Variants in DENND1B observed in about 807,000 individuals in gnomAD.
DENND1B encodes the protein DENN domain-containing protein 1B.
In DENND1B, 59 loss-of-function variants were observed where a neutral mutation model predicts 90.1. The observed-to-expected ratio is 0.65, with a 90% confidence interval of 0.53 to 0.81. DENND1B has a LOEUF of 0.81. Ranked by LOEUF, DENND1B falls within the 40% of genes least tolerant of loss-of-function variation. DENND1B has a pLI of 0.00. For missense variants in DENND1B, 862 were observed against 912.6 expected, an observed-to-expected ratio of 0.94 and a Z score of 0.71; for synonymous variants, 337 against 324.6, an observed-to-expected ratio of 1.04 and a Z score of -0.41.
At chr1:197,703,024 G>A (rs1424522157) in intron 3 of DENND1B, among the ~76,000 whole-genome samples, 1 of 151,972 alleles carries the variant, frequency 6.6e-6, no homozygotes, top group Non-Finnish European at 1.5e-5. Context: ...GTCTCACTCT[G>A]TCGCCTGGGC....
intron 20 of DENND1B, among the ~76,000 whole-genome samples, chr1:197,517,504 T>A (rs1039530508): frequency 6.6e-6 from 1 of 151,858 alleles, no homozygotes. Context: ...CTTACATTTA[T>A]CCTCTTTGCA....
At chr1:197,612,028 A>G (rs1253321935) in intron 11 of DENND1B, 52 bp from the exon 12 acceptor site, 2 of 1,388,272 alleles carry the variant, frequency 1.4e-6, no homozygotes, top group East Asian at 2.3e-5. Context: ...TTAAAACTGA[A>G]ACAACAGTAT....
intron 20 of DENND1B, among the ~76,000 whole-genome samples, chr1:197,516,660 G>T (rs1298546910): frequency 6.6e-6 from 1 of 151,724 alleles, no homozygotes; most frequent in African/African-American, 2.4e-5. Context: ...AAGGTCTTTT[G>T]TGGGGAAATG....
intron 18 of DENND1B, among the ~76,000 whole-genome samples, chr1:197,543,306 T>C (rs952690874): frequency 6.6e-6 from 1 of 152,194 alleles, no homozygotes; most frequent in Non-Finnish European, 1.5e-5. Context: ...AATACTCCAC[T>C]GATTAGAATG....
chr1:197,713,792 AT>A (rs200310740), intron 3 of DENND1B, among the ~76,000 whole-genome samples: 23,665 of 44,684 alleles, frequency 0.53, 7,219 homozygotes, highest in Middle Eastern at 0.67. Context: ...ATATTATAAT[AT>A]TATTATATTA....
chr1:197,643,172 CTTT>C (rs531784884), intron 9 of DENND1B, among the ~76,000 whole-genome samples: 61 of 145,964 alleles, frequency 4.2e-4, no homozygotes, highest in African/African-American at 1.5e-3. Flanking sequence ...CAAGAATCTG[CTTT>C]TTTTTTTTCT....
chr1:197,629,771 C>T (rs911620838), intron 10 of DENND1B, among the ~76,000 whole-genome samples: 1 of 151,888 alleles, frequency 6.6e-6, no homozygotes, highest in African/African-American at 2.4e-5. Context: ...CAGCCACGGA[C>T]TTTAGAGGAA....
At chr1:197,632,219 C>T (rs1679389373) in intron 10 of DENND1B, among the ~76,000 whole-genome samples, 1 of 152,058 alleles carries the variant, frequency 6.6e-6, no homozygotes. Flanking sequence ...TGTCATGTAC[C>T]TCATTTGCCT....
intron 5 of DENND1B, among the ~76,000 whole-genome samples, chr1:197,669,077 G>A (rs1271386988): frequency 6.6e-6 from 1 of 151,878 alleles, no homozygotes; most frequent in East Asian, 1.9e-4. Flanking sequence ...TAACTTGTAG[G>A]TGCTTATTAT....
chr1:197,705,668 C>G (rs1659457526), intron 3 of DENND1B, among the ~76,000 whole-genome samples: 1 of 147,764 alleles, frequency 6.8e-6, no homozygotes, highest in South Asian at 2.1e-4. Context: ...AAAAAAAGAC[C>G]TGAACAGGAA....
At chr1:197,603,911 T>C (rs1463450406) in intron 13 of DENND1B, among the ~76,000 whole-genome samples, 1 of 151,316 alleles carries the variant, frequency 6.6e-6, no homozygotes, top group Admixed American at 6.6e-5. Context: ...AATGTTATAT[T>C]TAATTCAATT....
At chr1:197,762,711 C>T (rs1260148502) in intron 2 of DENND1B, among the ~76,000 whole-genome samples, 1 of 152,024 alleles carries the variant, frequency 6.6e-6, no homozygotes, top group Non-Finnish European at 1.5e-5. Flanking sequence ...ATTTCCTCTA[C>T]CCCCACCCCA....
intron 2 of DENND1B, chr1:197,746,656 T>C: frequency 2.9e-6 from 2 of 699,128 alleles, no homozygotes; most frequent in South Asian, 1.6e-5. Context: ...GTTCTAGTGC[T>C]ATCAATTTTC....
chr1:197,677,962 T>C (rs1353583080), intron 3 of DENND1B, among the ~76,000 whole-genome samples: 2 of 152,192 alleles, frequency 1.3e-5, no homozygotes, highest in East Asian at 3.9e-4. Context: ...CTCATGAAGA[T>C]ACAGCAGTGT....
Position 197,525,004 on chromosome 1 carries a change from T to C in DENND1B, c.1516-12051A>G, listed in dbSNP as rs897713957. Among the ~76,000 whole-genome samples, 6 of 152,142 alleles carry C rather than the reference T, an allele frequency of 3.9e-5. No homozygotes were observed. In the East Asian group the frequency reaches 1.2e-3, roughly 29 times the overall value. On this transcript the variant is annotated intron_variant, in intron 20 of 22. Coordinates refer to ENST00000620048, the MANE Select transcript of DENND1B (RefSeq NM_001195215.2). ...TAGTTTATAATTCATTTCCCCATTG[T>C]TAATCAGAAACTACATAAAAACCCA...
At chr1:197,563,462 T>C (rs1672346398) in intron 15 of DENND1B, among the ~76,000 whole-genome samples, 1 of 151,962 alleles carries the variant, frequency 6.6e-6, no homozygotes, top group South Asian at 2.1e-4. Context: ...CAGATGACAA[T>C]ACATCTGCTT....
intron 3 of DENND1B, among the ~76,000 whole-genome samples, chr1:197,683,281 G>A (rs1415473433): frequency 6.6e-6 from 1 of 152,034 alleles, no homozygotes; most frequent in African/African-American, 2.4e-5. Context: ...TAAATCATAT[G>A]GCTACCCTAA....
chr1:197,707,787 G>C (rs920246614), intron 3 of DENND1B, among the ~76,000 whole-genome samples: 1 of 148,486 alleles, frequency 6.7e-6, no homozygotes, highest in African/African-American at 2.5e-5. Flanking sequence ...CGCAGAAGAC[G>C]GGTGATTTCT....
chr1:197,521,484 A>C (rs1203917637), intron 20 of DENND1B, among the ~76,000 whole-genome samples: 1 of 151,900 alleles, frequency 6.6e-6, no homozygotes, highest in Non-Finnish European at 1.5e-5. Context: ...GTAATACATA[A>C]ATTTTTTGAA....
Sources: gnomAD v4.1 joint callset for allele counts (sites outside exome capture counted in the v4.1 genomes callset) on GRCh38, gnomAD v4.1.1 for gene constraint, MANE v1.5 for transcripts, NCBI Gene and HGNC (gene_info 2026-07-23, HGNC 2026-07-21) for gene names.